The following STARD13 variants were observed in gnomAD, a reference collection of about 807,000 sequenced individuals.
STARD13 encodes StAR related lipid transfer domain containing 13.
In STARD13, 62 loss-of-function variants were observed where a neutral mutation model predicts 106.4. The ratio of observed to expected loss-of-function variants is 0.58; its 90% confidence interval spans 0.48 to 0.72. STARD13 has a LOEUF of 0.72. Among genes scored for constraint, STARD13 ranks in the 30% least tolerant of loss-of-function variants. The pLI is 0.00. For missense variants in STARD13, 1,387 were observed against 1,424.0 expected (o/e 0.97, Z 0.42); for synonymous variants, 565 against 553.0 (o/e 1.02, Z -0.31).
chr13:33,352,648 G>A (rs892197194), upstream of STARD13, among the ~76,000 whole-genome samples: 4 of 152,228 alleles, frequency 2.6e-5, no homozygotes, highest in Non-Finnish European at 5.9e-5. Context: ...GATGAAAGAC[G>A]GAAATGATCT....
chr13:33,313,457 T>A (rs1355440325), intron 1 of STARD13, among the ~76,000 whole-genome samples: 1 of 152,220 alleles, frequency 6.6e-6, no homozygotes, highest in Non-Finnish European at 1.5e-5. Flanking sequence ...AAAGTTCGCA[T>A]ATGATGCTGA....
chr13:33,120,567 G>GTA (rs1303418970), intron 7 of STARD13, among the ~76,000 whole-genome samples: 3 of 151,970 alleles, frequency 2.0e-5, no homozygotes, highest in African/African-American at 7.3e-5. Context: ...AAATATAGAC[G>GTA]TATATATATA....
the STARD13 span, among the ~76,000 whole-genome samples, chr13:33,559,028 G>A: frequency 6.6e-6 from 1 of 151,508 alleles, no homozygotes; most frequent in African/African-American, 2.4e-5. Context: ...GCATATGATA[G>A]GCAGGTTTAT....
At chr13:33,108,611 C>A (rs541773551) in intron 12 of STARD13, among the ~76,000 whole-genome samples, 1 of 152,156 alleles carries the variant, frequency 6.6e-6, no homozygotes, top group African/African-American at 2.4e-5. Context: ...CTTGGCATAC[C>A]CAGAGCCTAT....
At chr13:33,317,773 T>A (rs986168980) in intron 1 of STARD13, among the ~76,000 whole-genome samples, 11 of 152,222 alleles carry the variant, frequency 7.2e-5, no homozygotes, top group African/African-American at 2.4e-4. Context: ...GTAAACTCTA[T>A]GAGAGCACGG....
chr13:33,625,186 G>A, the STARD13 span, among the ~76,000 whole-genome samples: 27 of 152,168 alleles, frequency 1.8e-4, no homozygotes, highest in Non-Finnish European at 5.9e-5. Context: ...TCATGCTTGA[G>A]AAAGAAATGA....
chr13:33,472,695 G>A, the STARD13 span, among the ~76,000 whole-genome samples: 1 of 152,154 alleles, frequency 6.6e-6, no homozygotes, highest in African/African-American at 2.4e-5. Context: ...ACCAAAACAT[G>A]CAGCAATTTA....
chr13:33,625,551 A>G, the STARD13 span, among the ~76,000 whole-genome samples: 1 of 151,158 alleles, frequency 6.6e-6, no homozygotes. Context: ...GCCTGGCGAC[A>G]GAGCGAGACT....
Position 33,228,115 on chromosome 13 carries a change from G to A in STARD13, c.169+57355C>T, listed in dbSNP as rs118114755. Among the ~76,000 whole-genome samples, 26 of 152,320 alleles carry A rather than the reference G, an allele frequency of 1.7e-4. No homozygotes were observed. The East Asian group carries it at 5.0e-3, about 29-fold the overall frequency. On this transcript the variant is annotated intron_variant, in intron 1 of 13. Transcript: ENST00000336934. Reference sequence around the variant, plus strand: ...CCAGGTGGGGAAGTGGTGGAAGGGAGGAGTTATTTCAGGCAAAGGCAACAT... The same window carrying A: ...CCAGGTGGGGAAGTGGTGGAAGGGAAGAGTTATTTCAGGCAAAGGCAACAT...
the STARD13 span, among the ~76,000 whole-genome samples, chr13:33,396,182 G>A: frequency 6.6e-6 from 1 of 151,940 alleles, no homozygotes; most frequent in Non-Finnish European, 1.5e-5. Context: ...TTTTTGTAGA[G>A]ATGGAGTGCC....
chr13:33,633,194 A>T, the STARD13 span, among the ~76,000 whole-genome samples: 1 of 152,226 alleles, frequency 6.6e-6, no homozygotes, highest in Non-Finnish European at 1.5e-5. Flanking sequence ...CACCTTCTAA[A>T]TTCCTCTTGT....
At chr13:33,296,927 C>T (rs1892518587) in intron 1 of STARD13, among the ~76,000 whole-genome samples, 1 of 152,184 alleles carries the variant, frequency 6.6e-6, no homozygotes, top group African/African-American at 2.4e-5. Flanking sequence ...CCGAGTTCAA[C>T]TTTTTAAAAT....
chr13:33,118,152 C>T lies in STARD13; in HGVS notation c.2194G>A (p.Ala732Thr). 4.3e-6 allele frequency: 7 copies of T among 1,614,222 alleles called. No homozygotes were observed. Among genetic ancestry groups the T allele is most frequent in the Non-Finnish European group, 5.9e-6 (7 of 1,180,046 alleles). ...NYEDQSAYDV[A>T]DMVKQFFRDL... ...CGGAAGAACTGTTTCACCATATCCG[C>T]CACATCATAAGCAGACTGGTCTTCA... The change falls in exon 8 of 14, where the codon GCG (alanine) becomes ACG (threonine). Residue 732 changes from alanine to threonine, a missense_variant. Coordinates refer to ENST00000336934, the MANE Select transcript of STARD13 (RefSeq NM_178006.4).
chr13:33,130,134 G>A lies in STARD13; in HGVS notation c.543C>T (p.Thr181=). 1 of 1,614,108 alleles carries A rather than the reference G, an allele frequency of 6.2e-7. No homozygotes were observed. The highest frequency in any genetic ancestry group is 8.5e-7 in the Non-Finnish European group (1 of 1,180,006). Residue 181 remains threonine, a synonymous_variant, in exon 5 of 14, where the codon ACC becomes ACT. Transcript: ENST00000336934. The surrounding 1 kb of genome is among the most constrained non-coding windows in gnomAD (Gnocchi z 4.1). ...SPGGTGMRNT[T]SSESVLTDLS... ...GGTCTGTGAGGACGCTCTCACTGCTGGTCGTGTTCCTCATCCCCGTGCCTC... is the reference window on the plus strand; with the variant it reads ...GGTCTGTGAGGACGCTCTCACTGCTAGTCGTGTTCCTCATCCCCGTGCCTC...
At chr13:33,592,896 G>A in the STARD13 span, among the ~76,000 whole-genome samples, 1 of 152,216 alleles carries the variant, frequency 6.6e-6, no homozygotes, top group Non-Finnish European at 1.5e-5. Context: ...CTGGACAACA[G>A]GCTGGAGTAG....
At chr13:33,459,294 C>A in the STARD13 span, among the ~76,000 whole-genome samples, 1 of 152,130 alleles carries the variant, frequency 6.6e-6, no homozygotes, top group Admixed American at 6.5e-5. Flanking sequence ...AAGCATGTGC[C>A]TTCTCTCGCT....
At chr13:33,134,276 G>A (rs1878752604) in intron 4 of STARD13, among the ~76,000 whole-genome samples, 1 of 152,176 alleles carries the variant, frequency 6.6e-6, no homozygotes, top group Admixed American at 6.5e-5. Context: ...GATAGTTGAT[G>A]AGCTTTAAAA....
chr13:33,434,321 C>T, the STARD13 span, among the ~76,000 whole-genome samples: 6 of 140,296 alleles, frequency 4.3e-5, no homozygotes, highest in Admixed American at 7.2e-5. Flanking sequence ...CCACTGCACT[C>T]CAGCCTGGAT....
chr13:33,525,189 A>G, the STARD13 span, among the ~76,000 whole-genome samples: 7 of 151,592 alleles, frequency 4.6e-5, no homozygotes, highest in South Asian at 2.1e-4. Context: ...ACCTGGCTAC[A>G]TTTTTTTAGT....
Sources: gnomAD v4.1 joint callset for allele counts (sites outside exome capture counted in the v4.1 genomes callset) on GRCh38, gnomAD v4.1.1 for gene constraint, Gnocchi (gnomAD v3.1) non-coding constraint, MANE v1.5 for transcripts, NCBI Gene and HGNC (gene_info 2026-07-23, HGNC 2026-07-21) for gene names.